The following PIK3R3 variants were observed in gnomAD, a reference collection of about 807,000 sequenced individuals.
PIK3R3 encodes phosphatidylinositol 3-kinase regulatory subunit gamma.
A neutral mutation model predicts 62.9 loss-of-function variants in PIK3R3; 64 were observed. The ratio of observed to expected loss-of-function variants is 1.02; its 90% confidence interval spans 0.83 to 1.25. PIK3R3 has a LOEUF of 1.25. Among genes scored for constraint, PIK3R3 ranks in the 50% most tolerant of loss-of-function variants. The probability of loss-of-function intolerance (pLI) is 0.00; values close to 1 mark genes in which losing one functional copy is unlikely to be tolerated. For missense variants in PIK3R3, 614 were observed against 561.6 expected (o/e 1.09, Z -0.94); for synonymous variants, 165 against 189.0 (o/e 0.87, Z 1.04).
chr1:46,057,807 T>A (rs373991848), intron 6 of PIK3R3, among the ~76,000 whole-genome samples: 1 of 152,146 alleles, frequency 6.6e-6, no homozygotes, highest in Admixed American at 6.5e-5. Flanking sequence ...AGAAACAGCA[T>A]AAAAGTTTGA....
chr1:46,040,697 T>C lies in PIK3R3; in HGVS notation c.*2976A>G, dbSNP rs1293850244. The C allele has an allele frequency of 9.7e-6, 2 of 206,014 alleles. No homozygotes were observed. The highest frequency in any genetic ancestry group is 7.3e-5 in the East Asian group (1 of 13,610). The allele number at this position is 206,014 out of a possible 1,614,324, so 12.8% of individuals were successfully genotyped here. On this transcript the variant is annotated 3_prime_UTR_variant, in exon 10 of 10. Coordinates refer to ENST00000262741, the MANE Select transcript of PIK3R3 (RefSeq NM_003629.4). ...GCAATTCTCAGTTTAAGAGAACACA[T>C]GGGGCTGATTACTTGTAGCAAAAAA...
rs1647065782 is a variant in PIK3R3, at chr1:46,044,705, T to C, written c.1188-834A>G. Reference sequence around the variant, plus strand: ...TTTTGAGGTCCATCTCAGATACCTTTTCCACAAAACCTCCCAATCCGCTCT... The same window carrying C: ...TTTTGAGGTCCATCTCAGATACCTTCTCCACAAAACCTCCCAATCCGCTCT... On this transcript the variant is annotated intron_variant, in intron 9 of 9. Transcript: ENST00000262741. This position sits in a 1 kb window ranked among gnomAD's most constrained non-coding sequence, Gnocchi z 4.2. Among the ~76,000 whole-genome samples the C allele has an allele frequency of 6.6e-6, 1 of 152,204 alleles. No homozygotes were observed. Among genetic ancestry groups the C allele is most frequent in the Non-Finnish European group, 1.5e-5 (1 of 68,046 alleles).
At chr1:46,060,699 C>A (rs907676851) in intron 6 of PIK3R3, among the ~76,000 whole-genome samples, 1 of 152,204 alleles carries the variant, frequency 6.6e-6, no homozygotes, top group African/African-American at 2.4e-5. Flanking sequence ...TTAAGCTACA[C>A]TGCCTCACAG....
Position 46,044,006 on chromosome 1 carries a change from C to A in PIK3R3, c.1188-135G>T, listed in dbSNP as rs147332342. The A allele has an allele frequency of 2.8e-6, 2 of 724,646 alleles. No individual in the cohort carries two copies. The highest frequency in any genetic ancestry group is 1.8e-5 in the South Asian group (1 of 54,618). 44.9% of individuals were successfully genotyped at this position (724,646 alleles called of 1,614,324 possible). A position where few individuals can be genotyped will look rare whatever the true frequency, so the allele number is the denominator to read the frequency against. Reference sequence around the variant, plus strand: ...TAACCAGGCAAAGCTTGTGAAATTGCGTTCCCATTCCCTACAGACTTGGCC... The same window carrying A: ...TAACCAGGCAAAGCTTGTGAAATTGAGTTCCCATTCCCTACAGACTTGGCC... On this transcript the variant is annotated intron_variant, in intron 9 of 9. Coordinates refer to ENST00000262741, the MANE Select transcript of PIK3R3 (RefSeq NM_003629.4). This position sits in a 1 kb window ranked among gnomAD's most constrained non-coding sequence, Gnocchi z 4.2.
chr1:46,136,446 G>A (rs141032467), upstream of PIK3R3, among the ~76,000 whole-genome samples: 12 of 152,264 alleles, frequency 7.9e-5, no homozygotes, highest in East Asian at 3.9e-4. Flanking sequence ...GTCTAAAATC[G>A]TGATTTTCCA....
chr1:46,170,350 C>T, the PIK3R3 span, among the ~76,000 whole-genome samples: 1 of 152,084 alleles, frequency 6.6e-6, no homozygotes, highest in Admixed American at 6.6e-5. Context: ...GCCCCCTGCC[C>T]CTCATCTTCA....
At chr1:46,047,574 G>A (rs1647149364) in intron 7 of PIK3R3, among the ~76,000 whole-genome samples, 2 of 152,068 alleles carry the variant, frequency 1.3e-5, no homozygotes, top group South Asian at 2.1e-4. Flanking sequence ...AACTAGAGTG[G>A]AGTGGAAAGC....
chr1:46,143,346 ATACTT>A, the PIK3R3 span, among the ~76,000 whole-genome samples: 1 of 152,182 alleles, frequency 6.6e-6, no homozygotes, highest in African/African-American at 2.4e-5. Flanking sequence ...TTGATACAGA[ATACTT>A]TACATATTTA....
intron 1 of PIK3R3, among the ~76,000 whole-genome samples, chr1:46,089,512 A>G (rs1416456536): frequency 2.0e-5 from 3 of 152,058 alleles, no homozygotes; most frequent in East Asian, 1.9e-4. Context: ...TCAGGAGATC[A>G]AGACCATCCT....
chr1:46,061,947 T>C lies in PIK3R3; in HGVS notation c.746A>G (p.Asn249Ser), dbSNP rs1337221591. Residue 249 changes from asparagine (N) to serine (S), a missense_variant, in exon 6 of 10, where the codon AAT becomes AGT. Asn to Ser is a conservative substitution (Grantham distance 46, BLOSUM62 1). Coordinates refer to ENST00000262741, the MANE Select transcript of PIK3R3 (RefSeq NM_003629.4). ...EYIERFRREG[N>S]EKEIERIMMN... ...GACTTACCGTTCAATCTCCTTTTCATTCCCCTCTCTGCGAAATCGCTCAAT... is the reference window on the plus strand; with the variant it reads ...GACTTACCGTTCAATCTCCTTTTCACTCCCCTCTCTGCGAAATCGCTCAAT... 6.2e-7 allele frequency: 1 copy of C among 1,613,498 alleles called. No homozygotes were observed. Among genetic ancestry groups the C allele is most frequent in the Admixed American group, 1.7e-5 (1 of 60,012 alleles).
At chr1:46,106,881 T>C (rs957585417) in intron 1 of PIK3R3, among the ~76,000 whole-genome samples, 7 of 151,998 alleles carry the variant, frequency 4.6e-5, no homozygotes, top group Non-Finnish European at 7.4e-5. Flanking sequence ...GTTCAAGCAA[T>C]TCTCCTGCCT....
At chr1:46,062,326 A>G (rs753333562) in intron 5 of PIK3R3, among the ~76,000 whole-genome samples, 16 of 152,236 alleles carry the variant, frequency 1.1e-4, no homozygotes, top group Non-Finnish European at 1.6e-4. Flanking sequence ...CTGTGATCTC[A>G]GCACTTTGGG....
chr1:46,118,642 G>C (rs1654396550), intron 1 of PIK3R3, among the ~76,000 whole-genome samples: 1 of 145,294 alleles, frequency 6.9e-6, no homozygotes, highest in Non-Finnish European at 1.5e-5. Context: ...TGCAACCTCT[G>C]CCTCCCGGGT....
At chr1:46,154,389 G>A in the PIK3R3 span, among the ~76,000 whole-genome samples, 5 of 151,940 alleles carry the variant, frequency 3.3e-5, no homozygotes, top group East Asian at 3.9e-4. Context: ...GCAACACAGC[G>A]AGACCCCAAC....
At chr1:46,102,803 TAAAAAAAAA>T (rs33975572) in intron 1 of PIK3R3, among the ~76,000 whole-genome samples, 3 of 55,766 alleles carry the variant, frequency 5.4e-5, no homozygotes, top group South Asian at 9.3e-4. Flanking sequence ...GTATATATCT[TAAAAAAAAA>T]AAAAAAAAAA....
At chr1:46,173,824 C>G in the PIK3R3 span, among the ~76,000 whole-genome samples, 2 of 152,204 alleles carry the variant, frequency 1.3e-5, no homozygotes, top group Admixed American at 1.3e-4. Context: ...CACACTCTCA[C>G]AGACACAGAT....
chr1:46,086,526 C>G lies in PIK3R3; in HGVS notation c.107-5776G>C, dbSNP rs187589860. 8.1e-4 allele frequency among the ~76,000 whole-genome samples: 124 copies of G among 152,160 alleles called. 1 individual carries two copies. The highest frequency in any genetic ancestry group is 2.8e-3 in the African/African-American group (117 of 41,514). Reference sequence around the variant, plus strand: ...ACCAGCCTGGCCAACACGGTGAAACCCTGTCTCTACTAAAAATACAAAAAT... The same window carrying G: ...ACCAGCCTGGCCAACACGGTGAAACGCTGTCTCTACTAAAAATACAAAAAT... On this transcript the variant is annotated intron_variant, in intron 1 of 9. Transcript: ENST00000262741.
the PIK3R3 span, among the ~76,000 whole-genome samples, chr1:46,146,202 C>T: frequency 6.6e-6 from 1 of 152,208 alleles, no homozygotes; most frequent in Non-Finnish European, 1.5e-5. Flanking sequence ...CCAGTTTTCT[C>T]TCTGCTCCCC....
At chr1:46,134,587 C>G (rs1347683756), upstream of PIK3R3, 1 of 152,210 alleles carries the variant, frequency 6.6e-6, no homozygotes, top group African/African-American at 2.4e-5. Flanking sequence ...GCAGTCTCTA[C>G]TTCAGCATAT....
Sources: gnomAD v4.1 joint callset for allele counts (sites outside exome capture counted in the v4.1 genomes callset) on GRCh38, gnomAD v4.1.1 for gene constraint, Gnocchi (gnomAD v3.1) non-coding constraint, MANE v1.5 for transcripts, NCBI Gene and HGNC (gene_info 2026-07-23, HGNC 2026-07-21) for gene names.